B3GALT5: variants seen among roughly 807,000 people sequenced by gnomAD.
The protein encoded by B3GALT5 is beta-1,3-galactosyltransferase 5, also known as UDP-Gal:betaGlcNAc beta 1,3-galactosyltransferase, polypeptide 5.
For missense variants in B3GALT5, 328 were observed against 396.6 expected (o/e 0.83, Z 1.47); for synonymous variants, 156 against 158.6 (o/e 0.98, Z 0.12).
chr21:39,614,388 G>A (rs139206717), intron 1 of B3GALT5, among the ~76,000 whole-genome samples: 1 of 152,248 alleles, frequency 6.6e-6, no homozygotes, highest in Non-Finnish European at 1.5e-5. Flanking sequence ...AAGGAGCTCA[G>A]TGTGAGGCCC....
In B3GALT5 at chr21:39,661,001, C is replaced by G; in HGVS notation, c.442C>G (p.Gln148Glu). The G allele has an allele frequency of 6.2e-7, 1 of 1,613,042 alleles. No individual in the cohort carries two copies. The highest frequency in any genetic ancestry group is 8.5e-7 in the Non-Finnish European group (1 of 1,179,226). ...GIEWVHRFCP[Q>E]AAFVMKTDSD... is the part of the protein sequence containing the mutation. ...AGAATGGGTCCATCGCTTTTGTCCTCAGGCGGCGTTTGTGATGAAAACAGA... is the reference window on the plus strand; with the variant it reads ...AGAATGGGTCCATCGCTTTTGTCCTGAGGCGGCGTTTGTGATGAAAACAGA... The change falls in exon 4 of 4, where the codon CAG becomes GAG. Residue 148 changes from glutamine to glutamate, a missense_variant. Transcript: ENST00000684187. The surrounding 1 kb of genome is among the most constrained non-coding windows in gnomAD (Gnocchi z 4.7).
rs1220924064 is a variant in B3GALT5 at position 39,661,327 on chromosome 21, A to G, written c.768A>G (p.Arg256=). ...TCTGCCTCGAAAGGCTGAACATCAG[A>G]TTGGAGGAGCTCCACTCCCAGCCGA... The part of the protein sequence containing the change: ...VGLCLERLNI[R]LEELHSQPTF... The change falls in exon 4 of 4, where the codon AGA becomes AGG. Residue 256 remains arginine, a synonymous_variant. Coordinates refer to ENST00000684187, the MANE Select transcript of B3GALT5 (RefSeq NM_001356336.2). This position sits in a 1 kb window ranked among gnomAD's most constrained non-coding sequence, Gnocchi z 4.7. The G allele has an allele frequency of 6.2e-7, 1 of 1,613,962 alleles. No homozygotes were observed. Among genetic ancestry groups the G allele is most frequent in the East Asian group, 2.2e-5 (1 of 44,872 alleles).
At chr21:39,645,872 T>C (rs1275161822) in intron 1 of B3GALT5, among the ~76,000 whole-genome samples, 2 of 151,722 alleles carry the variant, frequency 1.3e-5, no homozygotes, top group Non-Finnish European at 2.9e-5. Context: ...AGTATAATAG[T>C]TTTTACTCTG....
At position 39,672,151 on chromosome 21, in the gene B3GALT5, G is replaced by T. The variant is rs978379770; in HGVS notation, c.*10659G>T. 6.6e-6 allele frequency: 1 copy of T among 152,260 alleles called. No homozygotes were observed. The highest frequency in any genetic ancestry group is 2.4e-5 in the African/African-American group (1 of 41,474). The allele number at this position is 152,260 out of a possible 1,614,324, so 9.4% of individuals were successfully genotyped here. A position where few individuals can be genotyped will look rare whatever the true frequency, so the allele number is the denominator to read the frequency against. On this transcript the variant is annotated 3_prime_UTR_variant, in exon 4 of 4. Coordinates refer to ENST00000684187, the MANE Select transcript of B3GALT5 (RefSeq NM_001356336.2). ...AAGAAGCGCAGAGTTAAGTTGGCCA[G>T]TGTGGCGTGGACACAGCCAGGCGCA...
intron 2 of B3GALT5, among the ~76,000 whole-genome samples, chr21:39,650,145 G>A (rs983590602): frequency 2.6e-5 from 4 of 152,166 alleles, no homozygotes; most frequent in Non-Finnish European, 4.4e-5. Flanking sequence ...TGGGATGAAG[G>A]TGCAGGGCTC....
In B3GALT5 at chr21:39,660,656, GA is replaced by G. The variant is rs1207242064; in HGVS notation, c.99del (p.Glu33AspfsTer31). 1.3e-6 allele frequency: 2 copies of G among 1,541,850 alleles called. No homozygotes were observed. The highest frequency in any genetic ancestry group is 4.2e-5 in the Admixed American group (2 of 47,554). On this transcript the variant is annotated frameshift_variant, in exon 4 of 4. Transcript: ENST00000684187. LOFTEE classifies it low-confidence loss of function (END_TRUNC). ...FSMYSLNPFK[E>X]QSFVYKKDGN... ...CATGTACAGTCTAAATCCTTTCAAA[GA>G]ACAGTCCTTTGTTTACAAGAAAGAC...
chr21:39,625,026 C>T (rs2079156636), intron 1 of B3GALT5, among the ~76,000 whole-genome samples: 1 of 152,190 alleles, frequency 6.6e-6, no homozygotes, highest in Non-Finnish European at 1.5e-5. Flanking sequence ...GGCTGGCTCT[C>T]AACTCCACAT....
chr21:39,620,574 C>T (rs660857), intron 1 of B3GALT5, among the ~76,000 whole-genome samples: 51,011 of 151,970 alleles, frequency 0.34, 9,651 homozygotes, highest in African/African-American at 0.52. Context: ...ATGTGGCTTT[C>T]CCTGGCCAAT....
At chr21:39,649,937 A>G (rs375959767) in intron 2 of B3GALT5, among the ~76,000 whole-genome samples, 11 of 152,208 alleles carry the variant, frequency 7.2e-5, no homozygotes, top group African/African-American at 2.4e-4. Context: ...ATGAGGATCC[A>G]GAGGCACCCA....
At chr21:39,657,893 G>A in intron 2 of B3GALT5, 1 of 1,231,744 alleles carries the variant, frequency 8.1e-7, no homozygotes, top group Non-Finnish European at 1.0e-6. Flanking sequence ...TGTGTTTGGA[G>A]GTAGGGCTTC....
At chr21:39,657,989 C>A in intron 2 of B3GALT5, 1 of 1,126,044 alleles carries the variant, frequency 8.9e-7, no homozygotes. Flanking sequence ...TGCAGCTGGC[C>A]TGGGGTGGCT....
chr21:39,641,098 T>C (rs1161148311), intron 1 of B3GALT5, among the ~76,000 whole-genome samples: 2 of 152,174 alleles, frequency 1.3e-5, no homozygotes, highest in Non-Finnish European at 2.9e-5. Flanking sequence ...TCCAGTATAA[T>C]ATAGTGGTGA....
chr21:39,672,477 A>G lies in B3GALT5; in HGVS notation c.*10985A>G, dbSNP rs920320174. 15 of 152,332 alleles carry G rather than the reference A, an allele frequency of 9.8e-5. No individual in the cohort carries two copies. Among genetic ancestry groups the G allele is most frequent in the Middle Eastern group, 3.4e-3 (1 of 294 alleles). 9.4% of individuals were successfully genotyped at this position (152,332 alleles called of 1,614,324 possible). On this transcript the variant is annotated 3_prime_UTR_variant, in exon 4 of 4. Transcript: ENST00000684187. ...CTATTTGAAACTGTCATTTCCTTGTATATTAGGGGGATCTGCTAGACTCTT... is the reference window on the plus strand; with the variant it reads ...CTATTTGAAACTGTCATTTCCTTGTGTATTAGGGGGATCTGCTAGACTCTT...
chr21:39,620,092 C>T (rs2123684179), intron 1 of B3GALT5, among the ~76,000 whole-genome samples: 1 of 152,384 alleles, frequency 6.6e-6, no homozygotes, highest in East Asian at 1.9e-4. Context: ...TCCCAGAGTG[C>T]TGGGATTACA....
At chr21:39,637,500 G>A (rs1283582844) in intron 1 of B3GALT5, among the ~76,000 whole-genome samples, 2 of 152,332 alleles carry the variant, frequency 1.3e-5, no homozygotes, top group Middle Eastern at 3.4e-3. Flanking sequence ...AAAAATCTTT[G>A]CTGCTTCCCT....
At chr21:39,624,865 T>C (rs1248192634) in intron 1 of B3GALT5, among the ~76,000 whole-genome samples, 6 of 151,600 alleles carry the variant, frequency 4.0e-5, no homozygotes, top group African/African-American at 1.2e-4. Flanking sequence ...TTTTTTTTTC[T>C]TTCCATCCTC....
At chr21:39,650,052 T>C (rs12482962) in intron 2 of B3GALT5, among the ~76,000 whole-genome samples, 27,828 of 152,014 alleles carry the variant, frequency 0.18, 2,613 homozygotes, top group African/African-American at 0.21. Context: ...TTGTCGTCTT[T>C]GTCGTGGAAC....
chr21:39,619,903 GT>G (rs1465933896), intron 1 of B3GALT5, among the ~76,000 whole-genome samples: 1 of 152,160 alleles, frequency 6.6e-6, no homozygotes, highest in Non-Finnish European at 1.5e-5. Context: ...TGCCTCCCGG[GT>G]TCAAGCAATT....
intron 1 of B3GALT5, among the ~76,000 whole-genome samples, chr21:39,626,786 G>C (rs1336077112): frequency 6.6e-6 from 1 of 150,732 alleles, no homozygotes; most frequent in South Asian, 2.1e-4. Flanking sequence ...TTAAACTGGC[G>C]TTTTTGTTTT....
Sources: gnomAD v4.1 joint callset for allele counts (sites outside exome capture counted in the v4.1 genomes callset) on GRCh38, gnomAD v4.1.1 for gene constraint, Gnocchi (gnomAD v3.1) non-coding constraint, MANE v1.5 for transcripts, NCBI Gene and HGNC (gene_info 2026-07-23, HGNC 2026-07-21) for gene names.